The following ZFPM2 variants were observed in gnomAD, a reference collection of about 807,000 sequenced individuals.
ZFPM2 encodes zinc finger protein ZFPM2.
In ZFPM2, 20 loss-of-function variants were observed where a neutral mutation model predicts 98.6. The observed-to-expected ratio is 0.20, with a 90% CI of 0.14 to 0.29. ZFPM2 has a LOEUF of 0.29. Among genes scored for constraint, ZFPM2 ranks in the 10% least tolerant of loss-of-function variants. The pLI, the probability that ZFPM2 is intolerant of heterozygous loss-of-function variation, is 1.00. For missense variants in ZFPM2, 1,310 were observed against 1,388.6 expected, an observed-to-expected ratio of 0.94 and a Z score of 0.90; for synonymous variants, 518 against 502.7, an observed-to-expected ratio of 1.03 and a Z score of -0.41.
intron 5 of ZFPM2, among the ~76,000 whole-genome samples, chr8:105,752,011 T>C (rs1392614559): frequency 6.6e-6 from 1 of 152,160 alleles, no homozygotes; most frequent in East Asian, 1.9e-4. Context: ...ATCATTACTT[T>C]GTGTGTGGTT....
chr8:105,681,266 C>T (rs1006123705), intron 5 of ZFPM2, among the ~76,000 whole-genome samples: 4 of 152,078 alleles, frequency 2.6e-5, no homozygotes, highest in African/African-American at 9.7e-5. Context: ...TGCCCTCTTG[C>T]CATCAGTTCC....
At chr8:105,736,873 A>G (rs770822124) in intron 5 of ZFPM2, among the ~76,000 whole-genome samples, 6 of 152,088 alleles carry the variant, frequency 3.9e-5, no homozygotes, top group Admixed American at 1.3e-4. Context: ...TATTTTAATT[A>G]ACACCAGATA....
At chr8:105,757,262 G>A (rs1361505468) in intron 5 of ZFPM2, among the ~76,000 whole-genome samples, 3 of 152,096 alleles carry the variant, frequency 2.0e-5, no homozygotes, top group Non-Finnish European at 4.4e-5. Flanking sequence ...CACTTACTCT[G>A]ATTGCATATT....
chr8:105,421,013 A>T (rs548839419), intron 2 of ZFPM2, among the ~76,000 whole-genome samples: 10 of 152,220 alleles, frequency 6.6e-5, no homozygotes, highest in African/African-American at 2.2e-4. Flanking sequence ...TTACTCTTTC[A>T]TTAAACTTTT....
At chr8:105,693,750 T>C (rs1244810860) in intron 5 of ZFPM2, among the ~76,000 whole-genome samples, 1 of 152,110 alleles carries the variant, frequency 6.6e-6, no homozygotes, top group East Asian at 1.9e-4. Context: ...TATCCAATTT[T>C]TAAAATTTTA....
At chr8:105,728,432 A>C (rs1354929044) in intron 5 of ZFPM2, among the ~76,000 whole-genome samples, 1 of 151,774 alleles carries the variant, frequency 6.6e-6, no homozygotes, top group Non-Finnish European at 1.5e-5. Context: ...AGCTCATGAA[A>C]CTGCTATCTG....
intron 1 of ZFPM2, among the ~76,000 whole-genome samples, chr8:105,363,206 G>C (rs1810440787): frequency 6.6e-6 from 1 of 151,748 alleles, no homozygotes; most frequent in Admixed American, 6.6e-5. Flanking sequence ...AATGATCTTT[G>C]TCTCCATTTC....
At chr8:105,755,807 T>C (rs1274156499) in intron 5 of ZFPM2, among the ~76,000 whole-genome samples, 3 of 152,164 alleles carry the variant, frequency 2.0e-5, no homozygotes, top group African/African-American at 7.2e-5. Flanking sequence ...TCATTTTTAA[T>C]GTTGAAGCTT....
intron 3 of ZFPM2, among the ~76,000 whole-genome samples, chr8:105,519,942 A>G (rs1169567618): frequency 6.6e-6 from 1 of 152,152 alleles, no homozygotes; most frequent in Non-Finnish European, 1.5e-5. Context: ...GCCTGTAGGA[A>G]AAATACGTTT....
At chr8:105,417,662 A>G (rs1040712986) in intron 1 of ZFPM2, among the ~76,000 whole-genome samples, 1 of 152,158 alleles carries the variant, frequency 6.6e-6, no homozygotes, top group Non-Finnish European at 1.5e-5. Context: ...TAATTATTCT[A>G]AAAGGTGAAA....
intron 5 of ZFPM2, among the ~76,000 whole-genome samples, chr8:105,776,017 TCCCG>T (rs1813096695): frequency 1.3e-5 from 2 of 151,944 alleles, no homozygotes; most frequent in Non-Finnish European, 2.9e-5. Flanking sequence ...CTGTTTACTT[TCCCG>T]AAAGAGGCAT....
intron 3 of ZFPM2, among the ~76,000 whole-genome samples, chr8:105,516,776 G>A (rs993053082): frequency 6.6e-6 from 1 of 152,106 alleles, no homozygotes; most frequent in African/African-American, 2.4e-5. Flanking sequence ...GTTAAAATTT[G>A]TCAAAAGCAG....
At chr8:105,382,339 G>A (rs566380396) in intron 1 of ZFPM2, among the ~76,000 whole-genome samples, 10 of 151,792 alleles carry the variant, frequency 6.6e-5, no homozygotes, top group Admixed American at 3.9e-4. Context: ...TAATGTTTGC[G>A]TTAAAAATTG....
chr8:105,775,425 T>A (rs1191088386), intron 5 of ZFPM2, among the ~76,000 whole-genome samples: 2 of 152,108 alleles, frequency 1.3e-5, no homozygotes, highest in African/African-American at 4.8e-5. Flanking sequence ...GCAATCAGAT[T>A]ATTCATAAGC....
intron 5 of ZFPM2, among the ~76,000 whole-genome samples, chr8:105,637,725 C>G (rs1401357954): frequency 6.6e-6 from 1 of 152,032 alleles, no homozygotes; most frequent in African/African-American, 2.4e-5. Context: ...GGGAGGCACT[C>G]CTACTCGTAT....
chr8:105,534,050 CCCTT>C (rs1563704414), intron 3 of ZFPM2, among the ~76,000 whole-genome samples: 1 of 37,292 alleles, frequency 2.7e-5, no homozygotes, highest in Non-Finnish European at 5.0e-5. Flanking sequence ...CTCCCTTCCT[CCCTT>C]CCTCCCTCCC....
chr8:105,388,167 G>A (rs776294287), intron 1 of ZFPM2, among the ~76,000 whole-genome samples: 1 of 152,144 alleles, frequency 6.6e-6, no homozygotes, highest in Admixed American at 6.5e-5. Context: ...ACTGAATATT[G>A]CATGCCAAAA....
chr8:105,621,375 T>C (rs988137092), intron 4 of ZFPM2, among the ~76,000 whole-genome samples: 2 of 152,198 alleles, frequency 1.3e-5, no homozygotes, highest in African/African-American at 2.4e-5. Context: ...CACACTGATT[T>C]TGTATCGTGA....
chr8:105,734,918 A>T (rs563648818), intron 5 of ZFPM2, among the ~76,000 whole-genome samples: 2 of 151,110 alleles, frequency 1.3e-5, no homozygotes, highest in East Asian at 3.9e-4. Context: ...ATACATATAT[A>T]TGGAATATAT....
Sources: gnomAD v4.1 joint callset for allele counts (sites outside exome capture counted in the v4.1 genomes callset) on GRCh38, gnomAD v4.1.1 for gene constraint, MANE v1.5 for transcripts, NCBI Gene and HGNC (gene_info 2026-07-23, HGNC 2026-07-21) for gene names.